LRRC4C: variants seen among roughly 807,000 people sequenced by gnomAD.
LRRC4C encodes the protein leucine rich repeat containing 4C, also known as leucine-rich repeat-containing protein 4C.
A neutral mutation model predicts 33.6 loss-of-function variants in LRRC4C; 5 were observed. The ratio of observed to expected loss-of-function variants is 0.15; its 90% CI spans 0.08 to 0.31. The LOEUF is 0.31. Ranked by LOEUF, LRRC4C falls within the 10% of genes least tolerant of loss-of-function variation. LRRC4C has a pLI of 1.00. For missense variants in LRRC4C, 560 were observed against 796.7 expected (o/e 0.70, Z 3.58); for synonymous variants, 329 against 302.0 (o/e 1.09, Z -0.93).
chr11:40,512,703 T>C (rs1955378495), intron 3 of LRRC4C, among the ~76,000 whole-genome samples: 1 of 152,198 alleles, frequency 6.6e-6, no homozygotes, highest in Non-Finnish European at 1.5e-5. Flanking sequence ...CTGAGCCACC[T>C]TAAAGATCAA....
At chr11:40,947,251 A>T (rs1182223017) in intron 1 of LRRC4C, among the ~76,000 whole-genome samples, 2 of 152,192 alleles carry the variant, frequency 1.3e-5, no homozygotes, top group Non-Finnish European at 2.9e-5. Context: ...TCCCAATTGT[A>T]AAACGATGCA....
intron 1 of LRRC4C, among the ~76,000 whole-genome samples, chr11:41,190,526 A>G (rs1296483694): frequency 6.6e-6 from 1 of 152,158 alleles, no homozygotes; most frequent in Non-Finnish European, 1.5e-5. Flanking sequence ...TGAATGAAGC[A>G]AGGAATAAAT....
intron 1 of LRRC4C, among the ~76,000 whole-genome samples, chr11:41,092,927 A>G (rs1940530798): frequency 6.6e-6 from 1 of 152,256 alleles, no homozygotes; most frequent in East Asian, 1.9e-4. Context: ...AGAAATGAGC[A>G]GTATGACTGG....
At chr11:40,718,775 C>T (rs1214148459) in intron 2 of LRRC4C, among the ~76,000 whole-genome samples, 1 of 152,144 alleles carries the variant, frequency 6.6e-6, no homozygotes, top group Non-Finnish European at 1.5e-5. Context: ...TATTAGTCAA[C>T]ATGGATACAG....
intron 2 of LRRC4C, among the ~76,000 whole-genome samples, chr11:40,864,060 A>T (rs963818682): frequency 6.6e-6 from 1 of 151,680 alleles, no homozygotes; most frequent in African/African-American, 2.4e-5. Flanking sequence ...TTATTTATTT[A>T]TATTTATTTA....
chr11:41,033,793 A>G (rs891052176), intron 1 of LRRC4C, among the ~76,000 whole-genome samples: 1 of 152,132 alleles, frequency 6.6e-6, no homozygotes, highest in Non-Finnish European at 1.5e-5. Flanking sequence ...ATTTGAAATA[A>G]AAACATTGAA....
chr11:40,752,850 CCAA>C lies in LRRC4C; in HGVS notation c.-406-104575_-406-104573del, dbSNP rs1356555266. Reference sequence around the variant, plus strand: ...ATAATTGTAGCACTATTCACAAAAGCCAACATACGGAATCAACCTAAGTATCTG... The same window carrying C: ...ATAATTGTAGCACTATTCACAAAAGCCATACGGAATCAACCTAAGTATCTG... On this transcript the variant is annotated intron_variant, in intron 2 of 6. Transcript: ENST00000528697. 5.9e-5 allele frequency among the ~76,000 whole-genome samples: 9 copies of C among 151,970 alleles called. No individual in the cohort carries two copies. In the East Asian group the frequency reaches 1.7e-3, roughly 29 times the overall value.
chr11:41,441,449 G>A (rs1955615070), intron 1 of LRRC4C, among the ~76,000 whole-genome samples: 1 of 151,898 alleles, frequency 6.6e-6, no homozygotes, highest in Admixed American at 6.6e-5. Flanking sequence ...TGGTGGGCTA[G>A]AGGGTTTATC....
chr11:41,145,188 A>G (rs1943674844), intron 1 of LRRC4C, among the ~76,000 whole-genome samples: 1 of 152,182 alleles, frequency 6.6e-6, no homozygotes, highest in African/African-American at 2.4e-5. Flanking sequence ...ATGGTTCTCT[A>G]GAAGATTTGC....
chr11:40,847,884 T>C (rs1326477010), intron 2 of LRRC4C, among the ~76,000 whole-genome samples: 1 of 151,116 alleles, frequency 6.6e-6, no homozygotes, highest in African/African-American at 2.4e-5. Context: ...TGGTGTAGTC[T>C]TGGGAGGGTG....
intron 4 of LRRC4C, among the ~76,000 whole-genome samples, chr11:40,260,325 A>G (rs1333322528): frequency 6.9e-6 from 1 of 145,538 alleles, no homozygotes; most frequent in Non-Finnish European, 1.5e-5. Flanking sequence ...AACACCACAT[A>G]TTCTCACTCA....
chr11:40,201,909 C>T (rs1431647681), intron 5 of LRRC4C, among the ~76,000 whole-genome samples: 1 of 152,144 alleles, frequency 6.6e-6, no homozygotes, highest in African/African-American at 2.4e-5. Flanking sequence ...GTTTGAATCA[C>T]ACCTTACATT....
intron 2 of LRRC4C, among the ~76,000 whole-genome samples, chr11:40,716,302 T>C (rs1425006531): frequency 6.6e-6 from 1 of 152,080 alleles, no homozygotes; most frequent in African/African-American, 2.4e-5. Context: ...TTCTTCATAG[T>C]TTACACATGT....
intron 1 of LRRC4C, among the ~76,000 whole-genome samples, chr11:41,262,030 A>G (rs918611957): frequency 7.9e-5 from 12 of 152,090 alleles, no homozygotes; most frequent in Non-Finnish European, 2.9e-5. Flanking sequence ...AAATCCTGGA[A>G]TAGAAGCAGG....
intron 1 of LRRC4C, among the ~76,000 whole-genome samples, chr11:41,324,154 G>A (rs1036734645): frequency 2.6e-5 from 4 of 152,100 alleles, no homozygotes; most frequent in Admixed American, 1.3e-4. Context: ...GGCAGGGCGC[G>A]GTAGGGTAGC....
chr11:40,847,573 T>A (rs1953249015), intron 2 of LRRC4C, among the ~76,000 whole-genome samples: 4 of 152,072 alleles, frequency 2.6e-5, no homozygotes. Context: ...GGATTTTTGT[T>A]TCAATGTTCA....
intron 3 of LRRC4C, among the ~76,000 whole-genome samples, chr11:40,577,832 C>CTTT (rs56061263): frequency 6.8e-4 from 81 of 119,336 alleles, no homozygotes; most frequent in East Asian, 9.7e-4. Context: ...TTTCTTTTTT[C>CTTT]TTTTTTTTTT....
chr11:40,460,329 T>C (rs1952334553), intron 3 of LRRC4C, among the ~76,000 whole-genome samples: 1 of 151,930 alleles, frequency 6.6e-6, no homozygotes, highest in Non-Finnish European at 1.5e-5. Context: ...AATAAATGTT[T>C]GTGCTTGAAA....
intron 1 of LRRC4C, among the ~76,000 whole-genome samples, chr11:41,021,198 AGAGAGAGAGAGAGAGAGT>A (rs1161617264): frequency 1.4e-4 from 5 of 34,548 alleles, no homozygotes; most frequent in Admixed American, 2.7e-4. Flanking sequence ...AGAGAGAGAG[AGAGAGAGAGAGAGAGAGT>A]GTGTGTGTGT....
Sources: gnomAD v4.1 joint callset for allele counts (sites outside exome capture counted in the v4.1 genomes callset) on GRCh38, gnomAD v4.1.1 for gene constraint, MANE v1.5 for transcripts, NCBI Gene and HGNC (gene_info 2026-07-23, HGNC 2026-07-21) for gene names.